DUSP29: variants seen among roughly 807,000 people sequenced by gnomAD.
The protein encoded by DUSP29 is dual specificity phosphatase 29, also known as atypical dual-specific protein phosphatase.
Under a neutral mutation model 13.5 loss-of-function variants are expected in DUSP29, and 12 were observed. That is an observed-to-expected ratio of 0.89 (90% CI 0.57 to 1.44). DUSP29 has a LOEUF of 1.44. Ranked by LOEUF, DUSP29 falls within the 40% of genes most tolerant of loss-of-function variation. The pLI is 0.00. For synonymous variants in DUSP29, 134 were observed against 128.7 expected (o/e 1.04, Z -0.28); for missense variants, 308 against 301.1 (o/e 1.02, Z -0.17).
At chr10:75,040,811 G>A (rs905550561) in intron 3 of DUSP29, among the ~76,000 whole-genome samples, 2 of 152,160 alleles carry the variant, frequency 1.3e-5, no homozygotes, top group African/African-American at 2.4e-5. Flanking sequence ...GATTATCTCC[G>A]AGATATTTTA....
chr10:75,045,023 C>A (rs1382195359), intron 2 of DUSP29, among the ~76,000 whole-genome samples: 1 of 152,234 alleles, frequency 6.6e-6, no homozygotes, highest in African/African-American at 2.4e-5. Context: ...TATTTGCAAT[C>A]TATTATGTGC....
intron 2 of DUSP29, among the ~76,000 whole-genome samples, chr10:75,050,466 G>A (rs930609274): frequency 3.3e-5 from 5 of 152,246 alleles, no homozygotes; most frequent in African/African-American, 1.2e-4. Flanking sequence ...ACAAGTGTGT[G>A]CTTGAAACTA....
chr10:75,044,039 C>T, intron 2 of DUSP29, 22 bp from the exon 3 acceptor site: 1 of 1,594,698 alleles, frequency 6.3e-7, no homozygotes, highest in South Asian at 1.1e-5. Context: ...GGAGAGAAAT[C>T]TGTGGGCGCG....
chr10:75,058,369 C>T lies in DUSP29; in HGVS notation c.146G>A (p.Ser49Asn), dbSNP rs1247742769. ...CTCGTTGACGTGGGTGTACTGGGGA[C>T]TGCCCTTCCAGAAGAGCCGCTCCAG... ...FELERLFWKGSPQYTHVNEVW... is the reference protein window; with the variant it reads ...FELERLFWKGNPQYTHVNEVW... The change falls in exon 2 of 4, where the codon AGT becomes AAT. Residue 49 changes from serine (S) to asparagine (N), a missense_variant. By Grantham distance (46) the Ser-to-Asn change is conservative (BLOSUM62 1). Transcript: ENST00000338487. 1.2e-6 allele frequency: 2 copies of T among 1,614,232 alleles called. No homozygotes were observed. The highest frequency in any genetic ancestry group is 1.7e-5 in the Admixed American group (1 of 60,032).
At chr10:75,070,130 GA>G (rs1847299863) in intron 1 of DUSP29, among the ~76,000 whole-genome samples, 1 of 99,610 alleles carries the variant, frequency 1.0e-5, no homozygotes, top group African/African-American at 3.6e-5. Flanking sequence ...AGGAAGGAAG[GA>G]AGGAAGGAAA....
intron 1 of DUSP29, among the ~76,000 whole-genome samples, chr10:75,061,727 G>A (rs1847092406): frequency 6.6e-6 from 1 of 152,198 alleles, no homozygotes; most frequent in African/African-American, 2.4e-5. Context: ...TGCAGGCTGG[G>A]AGGAGAGAGG....
At chr10:75,042,543 G>T (rs1011056915) in intron 3 of DUSP29, among the ~76,000 whole-genome samples, 1 of 152,208 alleles carries the variant, frequency 6.6e-6, no homozygotes, top group East Asian at 1.9e-4. Context: ...TAAAAGGAAG[G>T]CCTGGAAATG....
chr10:75,043,923 C>A lies in DUSP29; in HGVS notation c.295G>T (p.Asp99Tyr). ...HGRWNVDTGP[D>Y]YYRDMDIQYH... ...TGGATGTCCATGTCGCGGTAGTAGT[C>A]GGGCCCAGTGTCCACGTTCCAGCGG... Residue 99 changes from aspartate (D) to tyrosine (Y), a missense_variant, in exon 3 of 4, where the codon GAC (aspartate) becomes TAC (tyrosine). By Grantham distance (160) the Asp-to-Tyr change is radical (BLOSUM62 -3). Coordinates refer to ENST00000338487, the MANE Select transcript of DUSP29 (RefSeq NM_001003892.3). 2 of 1,613,920 alleles carry A rather than the reference C, an allele frequency of 1.2e-6. No individual in the cohort carries two copies. Among genetic ancestry groups the A allele is most frequent in the South Asian group, 2.2e-5 (2 of 91,070 alleles).
intron 2 of DUSP29, among the ~76,000 whole-genome samples, chr10:75,048,787 C>T (rs914605895): frequency 2.6e-5 from 4 of 152,136 alleles, no homozygotes; most frequent in Non-Finnish European, 2.9e-5. Context: ...TGAAATGAAC[C>T]GGCCTTCCGG....
intron 1 of DUSP29, among the ~76,000 whole-genome samples, chr10:75,061,953 C>A (rs144373159): frequency 1.3e-5 from 2 of 152,324 alleles, no homozygotes; most frequent in Admixed American, 6.5e-5. Context: ...AGCCTCCAGG[C>A]TGATTTGGAG....
intron 3 of DUSP29, among the ~76,000 whole-genome samples, 192 bp from the exon 4 acceptor site, chr10:75,038,269 AC>A (rs1283266346): frequency 2.8e-4 from 42 of 151,780 alleles, no homozygotes; most frequent in Admixed American, 2.7e-3. Context: ...AAGGCAAATA[AC>A]CCTGTAAATA....
chr10:75,050,883 C>T (rs925777353), intron 2 of DUSP29, among the ~76,000 whole-genome samples: 2 of 152,238 alleles, frequency 1.3e-5, no homozygotes, highest in Admixed American at 6.5e-5. Context: ...CCACGTTGCC[C>T]TCCTGTTTGT....
At chr10:75,049,279 T>G (rs1846773733) in intron 2 of DUSP29, among the ~76,000 whole-genome samples, 1 of 152,212 alleles carries the variant, frequency 6.6e-6, no homozygotes, top group African/African-American at 2.4e-5. Flanking sequence ...GTTTTTAACT[T>G]CTACTGGAAA....
Position 75,058,346 on chromosome 10 carries a change from C to T in DUSP29, c.169G>A (p.Glu57Lys), listed in dbSNP as rs200532912. ...KGSPQYTHVNEVWPKLYIGDE... is the reference protein window; with the variant it reads ...KGSPQYTHVNKVWPKLYIGDE... ...CCAATGTAGAGCTTGGGCCAGACCT[C>T]GTTGACGTGGGTGTACTGGGGACTG... The change falls in exon 2 of 4, where the codon GAG becomes AAG. Residue 57 changes from glutamate to lysine, a missense_variant. Coordinates refer to ENST00000338487, the MANE Select transcript of DUSP29 (RefSeq NM_001003892.3). 6 of 1,614,010 alleles carry T rather than the reference C, an allele frequency of 3.7e-6. No homozygotes were observed. The highest frequency in any genetic ancestry group is 2.7e-5 in the African/African-American group (2 of 74,936).
At chr10:75,068,716 A>C (rs1847255824) in intron 1 of DUSP29, among the ~76,000 whole-genome samples, 1 of 152,224 alleles carries the variant, frequency 6.6e-6, no homozygotes, top group African/African-American at 2.4e-5. Context: ...GGAGAGTAAT[A>C]CCTACTGCTA....
At chr10:75,050,926 C>T (rs1284638109) in intron 2 of DUSP29, among the ~76,000 whole-genome samples, 1 of 152,210 alleles carries the variant, frequency 6.6e-6, no homozygotes. Flanking sequence ...CTGGCAGGGC[C>T]ACCTTTCCCC....
At position 75,037,913 on chromosome 10, in the gene DUSP29, G is replaced by A; in HGVS notation, c.586C>T (p.Leu196=). 1 of 1,613,776 alleles carries A rather than the reference G, an allele frequency of 6.2e-7. No individual in the cohort carries two copies. Among genetic ancestry groups the A allele is most frequent in the Non-Finnish European group, 8.5e-7 (1 of 1,180,026 alleles). The change falls in exon 4 of 4, where the codon CTG becomes TTG. Residue 196 remains leucine, a synonymous_variant. Transcript: ENST00000338487. ...NRGFLKQLRE[L]DKQLVQQRRR... Reference sequence around the variant, plus strand: ...CTCTGCTGCACCAGCTGCTTGTCCAGCTCCCGGAGCTGCTTCAAAAAGCCC... The same window carrying A: ...CTCTGCTGCACCAGCTGCTTGTCCAACTCCCGGAGCTGCTTCAAAAAGCCC...
At position 75,037,933 on chromosome 10, in the gene DUSP29, A is replaced by C; in HGVS notation, c.566T>G (p.Phe189Cys). Residue 189 changes from phenylalanine to cysteine, a missense_variant, in exon 4 of 4, where the codon TTT becomes TGT. Phe to Cys is a radical substitution (Grantham distance 205, BLOSUM62 -2). Coordinates refer to ENST00000338487, the MANE Select transcript of DUSP29 (RefSeq NM_001003892.3). ...GTCCAGCTCCCGGAGCTGCTTCAAA[A>C]AGCCCCGGTTCGGGAGGACGCAGCG... ...KNRCVLPNRG[F>C]LKQLRELDKQ... 6.2e-7 allele frequency: 1 copy of C among 1,613,860 alleles called. No homozygotes were observed. Among genetic ancestry groups the C allele is most frequent in the Non-Finnish European group, 8.5e-7 (1 of 1,180,008 alleles).
chr10:75,069,663 G>A (rs977269284), intron 1 of DUSP29, among the ~76,000 whole-genome samples: 7 of 152,182 alleles, frequency 4.6e-5, no homozygotes, highest in Admixed American at 2.0e-4. Flanking sequence ...ACAAAAGCTC[G>A]CAGAGAAATC....
Sources: gnomAD v4.1 joint callset for allele counts (sites outside exome capture counted in the v4.1 genomes callset) on GRCh38, gnomAD v4.1.1 for gene constraint, MANE v1.5 for transcripts, NCBI Gene and HGNC (gene_info 2026-07-23, HGNC 2026-07-21) for gene names.